Variants in LRRC31 observed in about 807,000 individuals in gnomAD.
LRRC31 encodes leucine-rich repeat-containing protein 31.
LRRC31 carries 35 observed loss-of-function variants against 46.7 expected under a neutral mutation model. The observed-to-expected ratio is 0.75, with a 90% CI of 0.57 to 0.99. LRRC31 has a LOEUF of 0.99. Among genes scored for constraint, LRRC31 ranks in the 50% least tolerant of loss-of-function variants. The pLI is 0.00. For missense variants in LRRC31, 613 were observed against 626.1 expected (o/e 0.98, Z 0.22); for synonymous variants, 236 against 235.1 (o/e 1.00, Z -0.03).
chr3:169,858,264 A>G lies in LRRC31; in HGVS notation c.488-1392T>C, dbSNP rs540080799. ...CTGGGAGAGGGAAAAGGGCGCAAAC[A>G]TCAGAACAACAACAGTGCAGACTCC... On this transcript the variant is annotated intron_variant, in intron 3 of 8. Coordinates refer to ENST00000316428, the MANE Select transcript of LRRC31 (RefSeq NM_024727.4). Among the ~76,000 whole-genome samples, 172 of 152,312 alleles carry G rather than the reference A, an allele frequency of 1.1e-3. 2 individuals are homozygous for G. The highest frequency in any genetic ancestry group is 2.1e-3 in the Non-Finnish European group (144 of 68,020).
At chr3:169,848,382 A>G in intron 7 of LRRC31, 95 bp from the exon 8 acceptor site, 1 of 1,121,340 alleles carries the variant, frequency 8.9e-7, no homozygotes, top group Non-Finnish European at 1.3e-6. Context: ...CAACACATGA[A>G]TATAACTGGG....
chr3:169,846,227 A>T (rs1780600196), intron 8 of LRRC31, among the ~76,000 whole-genome samples: 2 of 152,248 alleles, frequency 1.3e-5, no homozygotes, highest in Admixed American at 1.3e-4. Context: ...GTTTATTTCA[A>T]TGAGATTGAA....
Position 169,856,727 on chromosome 3 carries a change from C to A in LRRC31, c.633G>T (p.Thr211=), listed in dbSNP as rs775110868. The change falls in exon 4 of 9, where the codon ACG becomes ACT. Residue 211 remains threonine (T), a synonymous_variant. Coordinates refer to ENST00000316428, the MANE Select transcript of LRRC31 (RefSeq NM_024727.4). ...QMIELVDCSL[T]SEDGTFLGQL... is the part of the protein sequence containing the mutation. Reference sequence around the variant, plus strand: ...TACCCAGAAATGTCCCATCTTCTGACGTGAGGGAGCAATCCACAAGCTCAA... The same window carrying A: ...TACCCAGAAATGTCCCATCTTCTGAAGTGAGGGAGCAATCCACAAGCTCAA... The A allele has an allele frequency of 1.3e-6, 2 of 1,590,222 alleles. No homozygotes were observed. Among genetic ancestry groups the A allele is most frequent in the South Asian group, 1.1e-5 (1 of 87,104 alleles).
At chr3:169,842,135 A>C (rs1246588989) in intron 8 of LRRC31, among the ~76,000 whole-genome samples, 2 of 152,102 alleles carry the variant, frequency 1.3e-5, no homozygotes, top group Non-Finnish European at 2.9e-5. Flanking sequence ...ATATTTTATT[A>C]TTTTAGATTT....
At chr3:169,844,356 T>A (rs1180974926) in intron 8 of LRRC31, among the ~76,000 whole-genome samples, 1 of 152,198 alleles carries the variant, frequency 6.6e-6, no homozygotes, top group Non-Finnish European at 1.5e-5. Flanking sequence ...ATAGTTTTTT[T>A]AAATGCTCAT....
In LRRC31 at chr3:169,856,441, CAAT is replaced by C. The variant is rs1780944156; in HGVS notation, c.715_717del (p.Ile239del). ...TGAGCAATACTGTTCAGACTGCCAA[CAAT>C]GTCTCTGTTAATGGAAAGATCAAGT... On this transcript the variant is annotated inframe_deletion, in exon 5 of 9. Coordinates refer to ENST00000316428, the MANE Select transcript of LRRC31 (RefSeq NM_024727.4). 6.2e-7 allele frequency: 1 copy of C among 1,606,752 alleles called. No homozygotes were observed. Among genetic ancestry groups the C allele is most frequent in the Non-Finnish European group, 8.5e-7 (1 of 1,176,814 alleles).
intron 8 of LRRC31, among the ~76,000 whole-genome samples, chr3:169,846,144 T>A (rs535323293): frequency 2.6e-5 from 4 of 152,354 alleles, no homozygotes; most frequent in African/African-American, 7.2e-5. Flanking sequence ...AAATGCGAAT[T>A]AAAATCACAA....
intron 3 of LRRC31, 80 bp from the exon 4 acceptor site, chr3:169,856,952 G>A: frequency 7.3e-7 from 1 of 1,362,200 alleles, no homozygotes; most frequent in Non-Finnish European, 1.0e-6. Flanking sequence ...GCACAACCAT[G>A]ATTAATGGAG....
intron 6 of LRRC31, among the ~76,000 whole-genome samples, chr3:169,852,996 G>A (rs1035694251): frequency 6.6e-6 from 1 of 152,220 alleles, no homozygotes; most frequent in Non-Finnish European, 1.5e-5. Context: ...GAGGTCAGGG[G>A]AAAGAAAGGG....
intron 1 of LRRC31, among the ~76,000 whole-genome samples, chr3:169,866,679 C>T (rs1020960682): frequency 2.6e-5 from 4 of 152,098 alleles, no homozygotes; most frequent in Non-Finnish European, 4.4e-5. Context: ...ATTGGCTAGG[C>T]ACAGTGGCTC....
At chr3:169,851,426 A>G (rs1374991038) in intron 7 of LRRC31, among the ~76,000 whole-genome samples, 193 bp downstream of exon 7, 3 of 152,070 alleles carry the variant, frequency 2.0e-5, no homozygotes, top group Non-Finnish European at 2.9e-5. Context: ...AACAACAACA[A>G]AAAAAACCCT....
chr3:169,867,479 G>A (rs1231614658), intron 1 of LRRC31, among the ~76,000 whole-genome samples: 4 of 151,918 alleles, frequency 2.6e-5, no homozygotes, highest in East Asian at 1.9e-4. Context: ...GGATGGTCTC[G>A]ATCTCCTGAC....
chr3:169,843,431 T>C (rs1780510976), intron 8 of LRRC31, among the ~76,000 whole-genome samples: 1 of 152,218 alleles, frequency 6.6e-6, no homozygotes. Flanking sequence ...ATTTTAGTGT[T>C]GTAATACCCT....
In LRRC31 at chr3:169,856,728, G is replaced by A. The variant is rs78449304; in HGVS notation, c.632C>T (p.Thr211Met). The A allele has an allele frequency of 4.3e-5, 69 of 1,588,326 alleles. No homozygotes were observed. The East Asian group carries it at 8.4e-4, about 19-fold the overall frequency. ...QMIELVDCSL[T>M]SEDGTFLGQL... Reference sequence around the variant, plus strand: ...ACCCAGAAATGTCCCATCTTCTGACGTGAGGGAGCAATCCACAAGCTCAAT... The same window carrying A: ...ACCCAGAAATGTCCCATCTTCTGACATGAGGGAGCAATCCACAAGCTCAAT... Residue 211 changes from threonine (T) to methionine (M), a missense_variant, in exon 4 of 9, where the codon ACG (threonine) becomes ATG (methionine). Thr to Met is a moderately conservative substitution (Grantham distance 81, BLOSUM62 -1). Coordinates refer to ENST00000316428, the MANE Select transcript of LRRC31 (RefSeq NM_024727.4).
chr3:169,866,294 G>A (rs954909482), intron 1 of LRRC31, among the ~76,000 whole-genome samples: 1 of 152,160 alleles, frequency 6.6e-6, no homozygotes, highest in East Asian at 1.9e-4. Flanking sequence ...AACCAGGTGG[G>A]AGAGCTATTT....
intron 1 of LRRC31, among the ~76,000 whole-genome samples, chr3:169,869,083 A>G (rs912599724): frequency 6.6e-6 from 1 of 150,972 alleles, no homozygotes; most frequent in African/African-American, 2.4e-5. Flanking sequence ...AAAAATAACT[A>G]AAAGAGGCCT....
intron 2 of LRRC31, among the ~76,000 whole-genome samples, chr3:169,861,231 G>A (rs1315991969): frequency 1.3e-5 from 2 of 151,380 alleles, no homozygotes; most frequent in Non-Finnish European, 2.9e-5. Context: ...ACCACGCCTG[G>A]CTAACTTTTG....
At chr3:169,866,750 A>G (rs941146456) in intron 1 of LRRC31, among the ~76,000 whole-genome samples, 4 of 152,278 alleles carry the variant, frequency 2.6e-5, no homozygotes, top group Non-Finnish European at 5.9e-5. Context: ...ACCTAAGGTC[A>G]GGACTTCGAG....
At position 169,869,761 on chromosome 3, in the gene LRRC31, G is replaced by A. The variant is rs370492126; in HGVS notation, c.47C>T (p.Pro16Leu). 17 of 1,612,834 alleles carry A rather than the reference G, an allele frequency of 1.1e-5. No homozygotes were observed. Among genetic ancestry groups the A allele is most frequent in the Non-Finnish European group, 1.4e-5 (16 of 1,179,690 alleles). The part of the protein sequence containing the change: ...KKTSSEGETK[P>L]QTSTVNKFLR... Reference sequence around the variant, plus strand: ...AAATTTGTTGACAGTTGAAGTCTGGGGCTTAGTTTCTCCTTCTGAGGAAGT... The same window carrying A: ...AAATTTGTTGACAGTTGAAGTCTGGAGCTTAGTTTCTCCTTCTGAGGAAGT... Residue 16 changes from proline to leucine, a missense_variant, in exon 1 of 9, where the codon CCC becomes CTC. Physicochemically the swap from Pro to Leu is moderately conservative, Grantham distance 98 (BLOSUM62 -3). Transcript: ENST00000316428.
Sources: allele counts gnomAD v4.1 joint callset (sites outside exome capture counted in the v4.1 genomes callset), GRCh38; gene constraint gnomAD v4.1.1; transcripts MANE v1.5; gene names NCBI Gene and HGNC (gene_info 2026-07-23, HGNC 2026-07-21).